Variants in TTC27 observed in about 807,000 individuals in gnomAD.
The protein encoded by TTC27 is tetratricopeptide repeat domain 27, also known as tetratricopeptide repeat protein 27.
Under a neutral mutation model 115.9 loss-of-function variants are expected in TTC27, and 79 were observed. That is an observed-to-expected ratio of 0.68 (90% confidence interval 0.57 to 0.82). The LOEUF is 0.82. TTC27 is among the 40% of genes least tolerant of loss of function. The pLI, the probability that TTC27 is intolerant of heterozygous loss-of-function variation, is 0.00. For missense variants in TTC27, 1,054 were observed against 993.1 expected, an observed-to-expected ratio of 1.06 and a Z score of -0.82; for synonymous variants, 401 against 356.0, an observed-to-expected ratio of 1.13 and a Z score of -1.42.
intron 15 of TTC27, among the ~76,000 whole-genome samples, chr2:32,784,546 C>A (rs1572610937): frequency 6.6e-6 from 1 of 152,216 alleles, no homozygotes; most frequent in Non-Finnish European, 1.5e-5. Flanking sequence ...CCCTCGATAT[C>A]ATGTTCCTAT....
intron 13 of TTC27, chr2:32,766,408 G>A: frequency 6.8e-6 from 2 of 295,344 alleles, no homozygotes; most frequent in Non-Finnish European, 1.4e-5. Flanking sequence ...CCTTTTACTT[G>A]AACGCTGAGA....
chr2:32,636,344 G>T (rs904095964), intron 3 of TTC27, among the ~76,000 whole-genome samples: 1 of 152,162 alleles, frequency 6.6e-6, no homozygotes. Flanking sequence ...CTCCCAAGCA[G>T]CTGGGACTAC....
rs1454092375 is a variant in TTC27, at chr2:32,640,426, A to G, written c.537+16A>G. 2 of 1,611,668 alleles carry G rather than the reference A, an allele frequency of 1.2e-6. No individual in the cohort carries two copies. The highest frequency in any genetic ancestry group is 1.7e-6 in the Non-Finnish European group (2 of 1,179,446). Reference sequence around the variant, plus strand: ...AGCTATTCAGGTAAGGAAAGGATCCATGAGATTCATACCCTGGTATGACTT... The same window carrying G: ...AGCTATTCAGGTAAGGAAAGGATCCGTGAGATTCATACCCTGGTATGACTT... On this transcript the variant is annotated intron_variant, in intron 4 of 19. Coordinates refer to ENST00000317907, the MANE Select transcript of TTC27 (RefSeq NM_017735.5).
intron 8 of TTC27, among the ~76,000 whole-genome samples, chr2:32,676,870 G>T (rs1666228278): frequency 6.7e-6 from 1 of 150,326 alleles, no homozygotes; most frequent in Non-Finnish European, 1.5e-5. Context: ...TGGAATATTT[G>T]GAATTACATT....
intron 10 of TTC27, among the ~76,000 whole-genome samples, chr2:32,704,198 T>C (rs945814411): frequency 5.9e-5 from 9 of 152,104 alleles, no homozygotes; most frequent in African/African-American, 2.2e-4. Context: ...TTTTTTTACT[T>C]TTTTTTGACA....
At chr2:32,631,902 C>G (rs1309253685) in intron 2 of TTC27, among the ~76,000 whole-genome samples, 1 of 151,598 alleles carries the variant, frequency 6.6e-6, no homozygotes, top group Non-Finnish European at 1.5e-5. Flanking sequence ...CCTCCGCCTC[C>G]CAAGTTCAAG....
At chr2:32,651,344 T>C (rs1022830445) in intron 5 of TTC27, among the ~76,000 whole-genome samples, 2 of 152,168 alleles carry the variant, frequency 1.3e-5, no homozygotes, top group Admixed American at 1.3e-4. Context: ...TGGGGGTCTG[T>C]TTCCTTCAAG....
chr2:32,684,399 C>T (rs138244693), intron 9 of TTC27, among the ~76,000 whole-genome samples: 38 of 150,816 alleles, frequency 2.5e-4, no homozygotes, highest in Non-Finnish European at 4.0e-4. Flanking sequence ...GTGCATGTGT[C>T]TAAAACTTAA....
intron 10 of TTC27, among the ~76,000 whole-genome samples, chr2:32,721,389 G>C (rs1253983713): frequency 6.6e-6 from 1 of 152,048 alleles, no homozygotes; most frequent in African/African-American, 2.4e-5. Flanking sequence ...TGGATTCAGG[G>C]GTTCAAAGAG....
chr2:32,705,057 G>T, intron 10 of TTC27: 1 of 403,508 alleles, frequency 2.5e-6, no homozygotes, highest in South Asian at 1.9e-5. Context: ...TCCCATTGTT[G>T]GAGATGGGGC....
At chr2:32,697,898 T>C (rs1213531520) in intron 9 of TTC27, among the ~76,000 whole-genome samples, 1 of 151,994 alleles carries the variant, frequency 6.6e-6, no homozygotes, top group East Asian at 1.9e-4. Context: ...ATTGTAGGTG[T>C]GCACTAGCAC....
intron 11 of TTC27, among the ~76,000 whole-genome samples, chr2:32,734,635 T>C (rs1484195271): frequency 6.6e-6 from 1 of 152,086 alleles, no homozygotes; most frequent in African/African-American, 2.4e-5. Flanking sequence ...TTTTGTAAAA[T>C]TTTAGCACTG....
intron 3 of TTC27, among the ~76,000 whole-genome samples, chr2:32,638,583 T>G (rs1393816076): frequency 6.6e-6 from 1 of 152,030 alleles, no homozygotes; most frequent in African/African-American, 2.4e-5. Flanking sequence ...TTCACCATGT[T>G]GGCCAGGCTG....
intron 16 of TTC27, among the ~76,000 whole-genome samples, chr2:32,794,054 G>T (rs1670624275): frequency 6.6e-6 from 1 of 152,060 alleles, no homozygotes; most frequent in Admixed American, 6.6e-5. Context: ...AACCAAAAGG[G>T]GTGAGTATGG....
chr2:32,661,044 G>T (rs191825144), intron 5 of TTC27, among the ~76,000 whole-genome samples: 1,699 of 152,230 alleles, frequency 0.011, 11 homozygotes, highest in Non-Finnish European at 0.017. Context: ...CCTGTTGCTT[G>T]TTTTTGTCAT....
At chr2:32,678,496 C>T (rs922244250) in intron 8 of TTC27, among the ~76,000 whole-genome samples, 12 of 151,862 alleles carry the variant, frequency 7.9e-5, no homozygotes, top group African/African-American at 2.4e-4. Flanking sequence ...GTCGCGATCT[C>T]GGCTCACTGC....
At chr2:32,664,171 GGTCTTAT>G (rs1216899141) in intron 5 of TTC27, 125 bp from the exon 6 acceptor site, 1 of 734,364 alleles carries the variant, frequency 1.4e-6, no homozygotes, top group African/African-American at 1.8e-5. Context: ...GTATTCCTCA[GGTCTTAT>G]GTTTAAAATT....
At chr2:32,742,457 G>A (rs116705992) in intron 12 of TTC27, among the ~76,000 whole-genome samples, 215 of 152,276 alleles carry the variant, frequency 1.4e-3, no homozygotes, top group African/African-American at 5.1e-3. Context: ...GCCAGAGCAT[G>A]GTGTTGTCAC....
chr2:32,751,029 T>G (rs141865237), intron 12 of TTC27, among the ~76,000 whole-genome samples: 69 of 152,290 alleles, frequency 4.5e-4, no homozygotes, highest in African/African-American at 1.3e-3. Flanking sequence ...CATACTTCTC[T>G]CTGTGCTGGT....
Sources: allele counts gnomAD v4.1 joint callset (sites outside exome capture counted in the v4.1 genomes callset), GRCh38; gene constraint gnomAD v4.1.1; transcripts MANE v1.5; gene names NCBI Gene and HGNC (gene_info 2026-07-23, HGNC 2026-07-21).